Variants in CNIH3 observed in about 807,000 individuals in gnomAD.
CNIH3 encodes cornichon family AMPA receptor auxiliary protein 3.
Under a neutral mutation model 24.1 loss-of-function variants are expected in CNIH3, and 14 were observed. The ratio of observed to expected loss-of-function variants is 0.58; its 90% confidence interval spans 0.38 to 0.91. The LOEUF is 0.91. CNIH3 is among the 40% of genes least tolerant of loss of function. CNIH3 has a pLI of 0.00. For synonymous variants in CNIH3, 68 were observed against 73.8 expected (o/e 0.92, Z 0.40); for missense variants, 178 against 196.8 (o/e 0.90, Z 0.57).
chr1:224,648,413 G>GA (rs565178820), intron 1 of CNIH3, among the ~76,000 whole-genome samples: 12,712 of 110,552 alleles, frequency 0.11, 904 homozygotes, highest in East Asian at 0.22. Context: ...TCTGTCTCAG[G>GA]AAAAAAAAAA....
chr1:224,435,026 C>A (rs1176192255), intron 1 of CNIH3: 17 of 985,426 alleles, frequency 1.7e-5, no homozygotes, highest in Non-Finnish European at 1.9e-5. Context: ...TTTCCCCTTG[C>A]GCCCTGGCTC....
intron 2 of CNIH3, among the ~76,000 whole-genome samples, chr1:224,532,350 T>A (rs1036622603): frequency 6.6e-6 from 1 of 152,136 alleles, no homozygotes; most frequent in Non-Finnish European, 1.5e-5. Context: ...GGTTTTAGTC[T>A]GAGATGGGGG....
chr1:224,678,663 A>G (rs960085785), intron 1 of CNIH3, among the ~76,000 whole-genome samples: 2 of 152,106 alleles, frequency 1.3e-5, no homozygotes, highest in East Asian at 3.9e-4. Flanking sequence ...ATGTGCCTCT[A>G]ATGCAGTGCT....
chr1:224,481,046 G>A (rs182490545), intron 1 of CNIH3, among the ~76,000 whole-genome samples: 4 of 152,248 alleles, frequency 2.6e-5, no homozygotes, highest in Admixed American at 1.3e-4. Context: ...ACAGTTCCAC[G>A]TGCCTGGGGA....
upstream of CNIH3, among the ~76,000 whole-genome samples, chr1:224,613,884 GTT>G (rs916069469): frequency 7.0e-6 from 1 of 143,880 alleles, no homozygotes. Flanking sequence ...TCAGGTTTTT[GTT>G]TTTTTTTTTT....
intron 3 of CNIH3, among the ~76,000 whole-genome samples, chr1:224,600,948 G>A (rs1682181421): frequency 6.6e-6 from 1 of 152,206 alleles, no homozygotes; most frequent in Admixed American, 6.5e-5. Flanking sequence ...AGTGTTACAG[G>A]CAGCGAATCC....
intron 1 of CNIH3, among the ~76,000 whole-genome samples, chr1:224,471,835 C>T (rs180904344): frequency 5.3e-4 from 80 of 152,230 alleles, no homozygotes; most frequent in African/African-American, 1.9e-3. Context: ...CATGATCCAC[C>T]GGCCTCGGCC....
At position 224,679,446 on chromosome 1, in the gene CNIH3, G is replaced by A. The variant is rs555041602; in HGVS notation, c.82-1512G>A. The stretch of plus-strand genomic sequence containing the variant: ...GGATTTGGCCTTCAGGCTGTAGTTT[G>A]CTGACCCTGGCTTAGGCTGTGGGTG... On this transcript the variant is annotated intron_variant, in intron 1 of 5. Transcript: ENST00000272133. Among the ~76,000 whole-genome samples the A allele has an allele frequency of 2.6e-5, 4 of 152,324 alleles. No homozygotes were observed. In the South Asian group the frequency reaches 8.3e-4, roughly 32 times the overall value.
intron 2 of CNIH3, among the ~76,000 whole-genome samples, chr1:224,527,713 T>G (rs994326882): frequency 3.9e-5 from 6 of 152,258 alleles, no homozygotes; most frequent in African/African-American, 1.4e-4. Flanking sequence ...ATATAGAGTT[T>G]GTAAAAAAAA....
chr1:224,543,363 A>G (rs560227304), intron 2 of CNIH3, among the ~76,000 whole-genome samples: 11 of 152,128 alleles, frequency 7.2e-5, no homozygotes, highest in Admixed American at 2.0e-4. Flanking sequence ...AACTGTAATT[A>G]CCAGTACTCT....
intron 1 of CNIH3, among the ~76,000 whole-genome samples, chr1:224,456,242 C>T (rs1675645397): frequency 6.6e-6 from 1 of 152,190 alleles, no homozygotes; most frequent in South Asian, 2.1e-4. Flanking sequence ...TTCACAAGCT[C>T]TGCATTGTTC....
intron 1 of CNIH3, chr1:224,437,099 C>T (rs1257800597): frequency 1.3e-5 from 2 of 152,188 alleles, no homozygotes; most frequent in Non-Finnish European, 2.9e-5. Context: ...TGTGATGTAA[C>T]TTGCTAAGAC....
intron 1 of CNIH3, among the ~76,000 whole-genome samples, chr1:224,457,758 T>C (rs1468380858): frequency 6.6e-6 from 1 of 152,200 alleles, no homozygotes; most frequent in Non-Finnish European, 1.5e-5. Flanking sequence ...ACGTTCACTT[T>C]TATCATTTTT....
At position 224,483,022 on chromosome 1, in the gene CNIH3, C is replaced by A. The variant is rs568232701; in HGVS notation, n.204-32719C>A. ...GTGTTGGCAGTACTGCATTCCAGTG[C>A]AAAATCTCACAATCAATGCACTCTC... On this transcript the variant is annotated intron_variant and non_coding_transcript_variant, in intron 1 of 5. Transcript: ENST00000471578. Among the ~76,000 whole-genome samples, 3 of 152,270 alleles carry A rather than the reference C, an allele frequency of 2.0e-5. No homozygotes were observed. The South Asian group carries it at 6.2e-4, about 32-fold the overall frequency.
chr1:224,519,571 G>T (rs939764467), intron 1 of CNIH3, among the ~76,000 whole-genome samples: 1 of 150,906 alleles, frequency 6.6e-6, no homozygotes. Flanking sequence ...TTATGTGTGC[G>T]TGTACATATA....
chr1:224,593,156 T>TA, downstream of CNIH3, among the ~76,000 whole-genome samples: 1 of 146,770 alleles, frequency 6.8e-6, no homozygotes, highest in South Asian at 2.1e-4. Context: ...TTTTTTTTTT[T>TA]AACTTTTTTT....
intron 3 of CNIH3, among the ~76,000 whole-genome samples, chr1:224,548,452 A>G (rs1398332634): frequency 6.6e-6 from 1 of 150,778 alleles, no homozygotes; most frequent in Non-Finnish European, 1.5e-5. Context: ...TTTGTAATAT[A>G]TAGGGGAGAT....
chr1:224,670,329 G>T (rs1171545977), intron 1 of CNIH3, among the ~76,000 whole-genome samples: 1 of 152,182 alleles, frequency 6.6e-6, no homozygotes, highest in East Asian at 1.9e-4. Flanking sequence ...CAGGTGTGGA[G>T]GGCATGGTGG....
intron 1 of CNIH3, among the ~76,000 whole-genome samples, chr1:224,666,488 A>G (rs1685603232): frequency 6.6e-6 from 1 of 152,238 alleles, no homozygotes; most frequent in Non-Finnish European, 1.5e-5. Context: ...GAATCTTAAT[A>G]AAGTACATAG....
Sources: allele counts gnomAD v4.1 joint callset (sites outside exome capture counted in the v4.1 genomes callset), GRCh38; gene constraint gnomAD v4.1.1; transcripts MANE v1.5; gene names NCBI Gene and HGNC (gene_info 2026-07-23, HGNC 2026-07-21).